The following NISCH variants were observed in gnomAD, a reference collection of about 807,000 sequenced individuals.
The protein encoded by NISCH is nischarin.
In NISCH, 55 loss-of-function variants were observed where a neutral mutation model predicts 138.4. The ratio of observed to expected loss-of-function variants is 0.40; its 90% CI spans 0.32 to 0.50. The LOEUF is 0.50. Among genes scored for constraint, NISCH ranks in the 20% least tolerant of loss-of-function variants. The pLI is 0.71. For synonymous variants in NISCH, 860 were observed against 861.5 expected, an observed-to-expected ratio of 1.00 and a Z score of 0.03; for missense variants, 1,643 against 2,005.5, an observed-to-expected ratio of 0.82 and a Z score of 3.45.
intron 19 of NISCH, among the ~76,000 whole-genome samples, chr3:52,491,142 ATGTCTC>A (rs1707550499): frequency 6.6e-6 from 1 of 152,238 alleles, no homozygotes; most frequent in Non-Finnish European, 1.5e-5. Flanking sequence ...TCTTTGCCTA[ATGTCTC>A]TGTCTCCCCT....
chr3:52,484,761 T>C, intron 14 of NISCH, 124 bp downstream of exon 14: 1 of 1,062,150 alleles, frequency 9.4e-7, no homozygotes, highest in Admixed American at 2.0e-5. Flanking sequence ...TTTGGCGTCC[T>C]CTGCTTTGTG....
At position 52,492,207 on chromosome 3, in the gene NISCH, C is replaced by T. The variant is rs1328573469; in HGVS notation, c.4240C>T (p.Arg1414Trp). ...RYRLDDGRRV[R>W]DLDRVLMGYQ... is the part of the protein sequence containing the mutation. Reference sequence around the variant, plus strand: ...CCGGCTGGACGATGGCCGCCGCGTCCGGGACCTGGACCGAGTGCTCATGGG... The same window carrying T: ...CCGGCTGGACGATGGCCGCCGCGTCTGGGACCTGGACCGAGTGCTCATGGG... The change falls in exon 21 of 21, where the codon CGG becomes TGG. Residue 1414 changes from arginine (R) to tryptophan (W), a missense_variant. Transcript: ENST00000345716. The T allele has an allele frequency of 7.4e-6, 12 of 1,613,118 alleles. No individual in the cohort carries two copies. The highest frequency in any genetic ancestry group is 1.3e-5 in the African/African-American group (1 of 75,074).
rs770401128 is a variant in NISCH, at chr3:52,457,931, CTG to C, written c.177+7_177+8del. On this transcript the variant is annotated splice_donor_region_variant and intron_variant, in intron 2 of 20. Transcript: ENST00000345716. ...TTCCATGACCTGCATGAAAAGGTAA[CTG>C]TTAAGAGCTGGGAGCACGTATCTCA... 2 of 1,597,620 alleles carry C rather than the reference CTG, an allele frequency of 1.3e-6. No homozygotes were observed. The highest frequency in any genetic ancestry group is 1.7e-6 in the Non-Finnish European group (2 of 1,165,978).
chr3:52,480,594 G>A, intron 13 of NISCH: 1 of 1,434,016 alleles, frequency 7.0e-7, no homozygotes, highest in East Asian at 2.5e-5. Context: ...ACAGGCTCGG[G>A]GCTGTTGGCT....
chr3:52,480,306 A>G lies in NISCH; in HGVS notation c.1528+11A>G. On this transcript the variant is annotated intron_variant, in intron 13 of 20. Transcript: ENST00000345716. ...TCCTCTCTAACCAAGGTAATCGTGT[A>G]TGTATCTTGCTTCTAGTGGAGCCAC... 6.2e-7 allele frequency: 1 copy of G among 1,613,636 alleles called. No individual in the cohort carries two copies. The highest frequency in any genetic ancestry group is 8.5e-7 in the Non-Finnish European group (1 of 1,179,986).
chr3:52,465,841 G>C (rs1172853822), intron 3 of NISCH, among the ~76,000 whole-genome samples: 1 of 152,206 alleles, frequency 6.6e-6, no homozygotes, highest in East Asian at 1.9e-4. Flanking sequence ...GCAAGAGACT[G>C]TGCAGTGAAG....
At chr3:52,489,221 C>T in intron 16 of NISCH, 115 bp from the exon 17 acceptor site, 1 of 1,288,946 alleles carries the variant, frequency 7.8e-7, no homozygotes, top group Non-Finnish European at 1.1e-6. Context: ...TGGAAGTCCC[C>T]AGTAACCCAG....
intron 19 of NISCH, 135 bp from the exon 20 acceptor site, chr3:52,491,217 G>C: frequency 7.3e-7 from 1 of 1,368,870 alleles, no homozygotes; most frequent in East Asian, 2.6e-5. Flanking sequence ...CGGGCCCCAT[G>C]ATTCTTTCCT....
At chr3:52,466,144 C>T (rs535867915) in intron 3 of NISCH, among the ~76,000 whole-genome samples, 1 of 152,210 alleles carries the variant, frequency 6.6e-6, no homozygotes, top group Non-Finnish European at 1.5e-5. Context: ...TTTGAACTTA[C>T]AGTCTTGCAA....
intron 5 of NISCH, 125 bp downstream of exon 5, chr3:52,472,102 G>A (rs373466958): frequency 2.6e-5 from 29 of 1,113,858 alleles, no homozygotes; most frequent in Non-Finnish European, 3.5e-5. Context: ...AAGGCCGCCC[G>A]GTTATTCTTG....
intron 19 of NISCH, 135 bp downstream of exon 19, chr3:52,490,968 G>A: frequency 7.9e-7 from 1 of 1,260,718 alleles, no homozygotes; most frequent in African/African-American, 1.5e-5. Context: ...ACCGGGGTGG[G>A]AGGAAGCAGC....
rs566736649 is a variant in NISCH, at chr3:52,485,925, A to C, written c.1703+98A>C. ...GGTGGCCAGTCAGGTTTTTTTAAAA[A>C]TCCGTTCACAGAAGGCCTATAGAAC... On this transcript the variant is annotated intron_variant, in intron 15 of 20. Coordinates refer to ENST00000345716, the MANE Select transcript of NISCH (RefSeq NM_007184.4). 4.4e-6 allele frequency: 5 copies of C among 1,148,534 alleles called. No individual in the cohort carries two copies. The African/African-American group carries it at 4.6e-5, about 11-fold the overall frequency. 71.1% of individuals were successfully genotyped at this position (1,148,534 alleles called of 1,614,324 possible). A position where few individuals can be genotyped will look rare whatever the true frequency, so the allele number is the denominator to read the frequency against.
At position 52,488,341 on chromosome 3, in the gene NISCH, C is replaced by T; in HGVS notation, c.2849C>T (p.Thr950Ile). Reference protein sequence around the residue: ...SFKLSRVPLSTVLLDPTRSCT... With the variant: ...SFKLSRVPLSIVLLDPTRSCT... ...AAGCTCAGCCGTGTGCCGCTCTCCA[C>T]CGTGCTGCTGGACCCCACACGCAGC... The change falls in exon 16 of 21, where the codon ACC becomes ATC. Residue 950 changes from threonine to isoleucine, a missense_variant. Coordinates refer to ENST00000345716, the MANE Select transcript of NISCH (RefSeq NM_007184.4). The T allele has an allele frequency of 2.5e-6, 4 of 1,613,366 alleles. No individual in the cohort carries two copies. The highest frequency in any genetic ancestry group is 3.4e-6 in the Non-Finnish European group (4 of 1,180,012).
intron 14 of NISCH, 103 bp from the exon 15 acceptor site, chr3:52,485,675 G>A (rs1707383322): frequency 7.8e-7 from 1 of 1,285,638 alleles, no homozygotes; most frequent in African/African-American, 1.5e-5. Flanking sequence ...CCTCCTCAGG[G>A]CGGTGATGGA....
At chr3:52,482,175 G>A (rs998953702) in intron 13 of NISCH, among the ~76,000 whole-genome samples, 2 of 152,172 alleles carry the variant, frequency 1.3e-5, no homozygotes, top group South Asian at 2.1e-4. Context: ...TTTCAGCCGC[G>A]TGTTCCTGGG....
At position 52,487,219 on chromosome 3, in the gene NISCH, T is replaced by C; in HGVS notation, c.1727T>C (p.Val576Ala). ...GASPEHAEPE[V>A]QVVPGSGQII... Reference sequence around the variant, plus strand: ...AGCCCAGAACATGCCGAGCCGGAGGTCCAGGTGGTGCCGGGGTCTGGCCAG... The same window carrying C: ...AGCCCAGAACATGCCGAGCCGGAGGCCCAGGTGGTGCCGGGGTCTGGCCAG... Residue 576 changes from valine (V) to alanine (A), a missense_variant, in exon 16 of 21, where the codon GTC (valine) becomes GCC (alanine). By Grantham distance (64) the Val-to-Ala change is moderately conservative. Transcript: ENST00000345716. This position sits in a 1 kb window ranked among gnomAD's most constrained non-coding sequence, Gnocchi z 9.1. 6.2e-7 allele frequency: 1 copy of C among 1,613,800 alleles called. No individual in the cohort carries two copies. Among genetic ancestry groups the C allele is most frequent in the Non-Finnish European group, 8.5e-7 (1 of 1,179,984 alleles).
chr3:52,457,767 A>G (rs756034298), intron 1 of NISCH, 76 bp from the exon 2 acceptor site: 78 of 1,029,546 alleles, frequency 7.6e-5, no homozygotes, highest in Admixed American at 3.9e-4. Flanking sequence ...AGATAATTGC[A>G]GCTTTTGCTG....
chr3:52,474,081 C>CAAAAAAT (rs1392741574), intron 7 of NISCH, among the ~76,000 whole-genome samples: 1 of 152,034 alleles, frequency 6.6e-6, no homozygotes. Context: ...CTTCTTTCCC[C>CAAAAAAT]AAAAAATAAA....
At chr3:52,484,477 C>CCCTGCCTG in intron 13 of NISCH, 36 bp from the exon 14 acceptor site, 1 of 1,404,404 alleles carries the variant, frequency 7.1e-7, no homozygotes, top group South Asian at 1.4e-5. Flanking sequence ...GCCCCACCCA[C>CCCTGCCTG]CCTGCCTGCC....
Sources: gnomAD v4.1 joint callset for allele counts (sites outside exome capture counted in the v4.1 genomes callset) on GRCh38, gnomAD v4.1.1 for gene constraint, Gnocchi (gnomAD v3.1) non-coding constraint, MANE v1.5 for transcripts, NCBI Gene and HGNC (gene_info 2026-07-23, HGNC 2026-07-21) for gene names.